SLC6A4: variants seen among roughly 807,000 people sequenced by gnomAD.
SLC6A4 encodes the protein sodium-dependent serotonin transporter.
In SLC6A4, 22 loss-of-function variants were observed where a neutral mutation model predicts 73.4. That is an observed-to-expected ratio of 0.30 (90% CI 0.21 to 0.43). The LOEUF (loss-of-function observed/expected upper bound fraction) is 0.43. Among genes scored for constraint, SLC6A4 ranks in the 20% least tolerant of loss-of-function variants. SLC6A4 has a pLI of 1.00. For synonymous variants in SLC6A4, 270 were observed against 315.5 expected (o/e 0.86, Z 1.53); for missense variants, 593 against 808.5 (o/e 0.73, Z 3.23).
chr17:30,208,152 A>G (rs1010418393), intron 12 of SLC6A4, among the ~76,000 whole-genome samples: 1 of 152,078 alleles, frequency 6.6e-6, no homozygotes, highest in Non-Finnish European at 1.5e-5. Context: ...GACATTTGGG[A>G]GGATGGATGG....
At chr17:30,205,128 T>C (rs1157621417) in intron 13 of SLC6A4, among the ~76,000 whole-genome samples, 1 of 152,224 alleles carries the variant, frequency 6.6e-6, no homozygotes, top group African/African-American at 2.4e-5. Flanking sequence ...GCTCCTGTGT[T>C]TATTGAAAAT....
intron 1 of SLC6A4, among the ~76,000 whole-genome samples, chr17:30,230,095 AGAGGAG>A (rs763816521): frequency 0.012 from 1,394 of 117,376 alleles, 13 homozygotes; most frequent in Middle Eastern, 0.024. Flanking sequence ...AAGAAGAAGA[AGAGGAG>A]GAAGAGGAAG....
intron 8 of SLC6A4, among the ~76,000 whole-genome samples, chr17:30,215,002 T>TTCTTCTTTC (rs1555588702): frequency 4.7e-4 from 67 of 142,398 alleles, no homozygotes; most frequent in African/African-American, 1.7e-3. Context: ...CTTCCTTCCT[T>TTCTTCTTTC]TCTTTCTTTC....
chr17:30,218,709 C>G, intron 4 of SLC6A4, 88 bp downstream of exon 4: 1 of 1,436,432 alleles, frequency 7.0e-7, no homozygotes, highest in Admixed American at 1.7e-5. Flanking sequence ...CTGACTGATT[C>G]CAGAAGAAGG....
rs372056901 is a variant in SLC6A4, at chr17:30,221,855, C to T, written c.104G>A (p.Gly35Glu). 1 of 1,614,148 alleles carries T rather than the reference C, an allele frequency of 6.2e-7. No individual in the cohort carries two copies. The highest frequency in any genetic ancestry group is 8.5e-7 in the Non-Finnish European group (1 of 1,180,022). ...GVLQKVVPTP[G>E]DKVESGQISN... ...TATTTGCCCGGACTCCACTTTGTCCCCTGGGGTGGGAACAACCTTCTGTAG... is the reference window on the plus strand; with the variant it reads ...TATTTGCCCGGACTCCACTTTGTCCTCTGGGGTGGGAACAACCTTCTGTAG... Residue 35 changes from glycine to glutamate, a missense_variant, in exon 3 of 15, where the codon GGG becomes GAG. Transcript: ENST00000650711.
At position 30,198,363 on chromosome 17, in the gene SLC6A4, A is replaced by G. The variant is rs906714711; in HGVS notation, c.*93T>C. On this transcript the variant is annotated 3_prime_UTR_variant, in exon 15 of 15. Transcript: ENST00000650711. ...CCCTTCCATCATCAGGCTTAGCTGG[A>G]AACTCATTCACTTGGAGGGGAGAAG... The G allele has an allele frequency of 8.2e-6, 6 of 733,100 alleles. No homozygotes were observed. The highest frequency in any genetic ancestry group is 1.4e-5 in the Non-Finnish European group (6 of 419,064). 45.4% of individuals were successfully genotyped at this position (733,100 alleles called of 1,614,324 possible).
At chr17:30,207,439 G>A (rs978895272) in intron 13 of SLC6A4, among the ~76,000 whole-genome samples, 3 of 152,156 alleles carry the variant, frequency 2.0e-5, no homozygotes, top group Non-Finnish European at 4.4e-5. Context: ...CCAGGCTGGA[G>A]TGCAGTGGCG....
At chr17:30,227,475 T>G (rs200684987) in intron 1 of SLC6A4, among the ~76,000 whole-genome samples, 1 of 150,674 alleles carries the variant, frequency 6.6e-6, no homozygotes, top group Non-Finnish European at 1.5e-5. Flanking sequence ...GTGTGTGTGT[T>G]TGTGTGTGTG....
At chr17:30,212,594 G>A (rs1906422102) in intron 9 of SLC6A4, 146 bp downstream of exon 9, 1 of 810,414 alleles carries the variant, frequency 1.2e-6, no homozygotes, top group Middle Eastern at 2.4e-4. Flanking sequence ...ATGTTGCCCA[G>A]GCTGGTCTTG....
At chr17:30,202,563 C>T (rs971681642) in intron 14 of SLC6A4, among the ~76,000 whole-genome samples, 1 of 152,214 alleles carries the variant, frequency 6.6e-6, no homozygotes, top group Non-Finnish European at 1.5e-5. Flanking sequence ...AAATGGCATT[C>T]ATACAAATTG....
intron 14 of SLC6A4, 142 bp downstream of exon 14, chr17:30,203,030 G>A (rs140702): frequency 2.1e-4 from 133 of 621,010 alleles, no homozygotes; most frequent in Non-Finnish European, 3.1e-4. Flanking sequence ...AGAGGTCTTC[G>A]CCATGGCACA....
chr17:30,230,866 T>A (rs1907091087), intron 1 of SLC6A4, among the ~76,000 whole-genome samples: 1 of 152,084 alleles, frequency 6.6e-6, no homozygotes, highest in Non-Finnish European at 1.5e-5. Context: ...TGCTCAAAGG[T>A]GCCTATACTC....
chr17:30,224,980 T>G (rs1567822697), intron 1 of SLC6A4, among the ~76,000 whole-genome samples: 1 of 152,178 alleles, frequency 6.6e-6, no homozygotes, highest in Non-Finnish European at 1.5e-5. Context: ...TCTTGTTTCC[T>G]GAAATATCCC....
chr17:30,216,808 A>G (rs568819861), intron 6 of SLC6A4, among the ~76,000 whole-genome samples: 1 of 151,936 alleles, frequency 6.6e-6, no homozygotes, highest in East Asian at 1.9e-4. Context: ...AGCTGGGATT[A>G]CAGGCACCTG....
chr17:30,203,564 C>T (rs1906099644), intron 13 of SLC6A4: 4 of 528,724 alleles, frequency 7.6e-6, no homozygotes, highest in South Asian at 2.2e-5. Context: ...CCTCCCCAGC[C>T]CTCACTTCCT....
intron 7 of SLC6A4, 26 bp from the exon 8 acceptor site, chr17:30,215,740 T>A: frequency 6.3e-7 from 1 of 1,595,962 alleles, no homozygotes; most frequent in Non-Finnish European, 8.6e-7. Flanking sequence ...GGTAAGGGCA[T>A]GGGGTGAGGG....
At chr17:30,227,447 T>C (rs971142707) in intron 1 of SLC6A4, among the ~76,000 whole-genome samples, 2 of 152,002 alleles carry the variant, frequency 1.3e-5, no homozygotes, top group Non-Finnish European at 2.9e-5. Context: ...GTCAGTTTAG[T>C]GTTTTTTCTG....
At chr17:30,224,225 G>GT (rs796258128) in intron 1 of SLC6A4, among the ~76,000 whole-genome samples, 5,887 of 140,524 alleles carry the variant, frequency 0.042, 274 homozygotes, top group African/African-American at 0.12. Context: ...CCACAGTTTT[G>GT]TTTTTTTTTT....
At chr17:30,207,279 C>T (rs1044257492) in intron 13 of SLC6A4, among the ~76,000 whole-genome samples, 11 of 152,074 alleles carry the variant, frequency 7.2e-5, no homozygotes, top group South Asian at 2.1e-4. Context: ...ATGTTTTTGT[C>T]TCCTGGTATG....
Sources: allele counts gnomAD v4.1 joint callset (sites outside exome capture counted in the v4.1 genomes callset), GRCh38; gene constraint gnomAD v4.1.1; transcripts MANE v1.5; gene names NCBI Gene and HGNC (gene_info 2026-07-23, HGNC 2026-07-21).